TMEM165: variants seen among roughly 807,000 people sequenced by gnomAD.
TMEM165 encodes putative divalent cation/proton antiporter TMEM165.
Under a neutral mutation model 30.0 loss-of-function variants are expected in TMEM165, and 19 were observed. The ratio of observed to expected loss-of-function variants is 0.63; its 90% CI spans 0.44 to 0.93. The LOEUF is 0.93. Among genes scored for constraint, TMEM165 ranks in the 40% least tolerant of loss-of-function variants. The probability of loss-of-function intolerance (pLI) is 0.00; values close to 1 mark genes in which losing one functional copy is unlikely to be tolerated. For synonymous variants in TMEM165, 168 were observed against 162.9 expected (o/e 1.03, Z -0.24); for missense variants, 340 against 417.0 (o/e 0.82, Z 1.61).
chr4:55,438,323 A>G, intron 3 of TMEM165: 1 of 1,614,078 alleles, frequency 6.2e-7, no homozygotes, highest in Non-Finnish European at 8.5e-7. Flanking sequence ...TGAGCCTGAG[A>G]TGGTTGCTGA....
chr4:55,402,428 TATATA>T (rs1250545275), intron 1 of TMEM165, among the ~76,000 whole-genome samples: 10 of 36,814 alleles, frequency 2.7e-4, no homozygotes, highest in African/African-American at 9.9e-4. Flanking sequence ...TATATATATA[TATATA>T]TTTTTTTTTT....
chr4:55,426,944 C>G (rs189993425), downstream of TMEM165, among the ~76,000 whole-genome samples: 38 of 152,056 alleles, frequency 2.5e-4, no homozygotes, highest in African/African-American at 8.7e-4. Flanking sequence ...AAAACAATGT[C>G]TGTGGATTAA....
rs535392298 is a variant in TMEM165 at position 55,447,915 on chromosome 4, C to G, written c.409-4324C>G. Among the ~76,000 whole-genome samples, 10 of 152,232 alleles carry G rather than the reference C, an allele frequency of 6.6e-5. No homozygotes were observed. The South Asian group carries it at 1.9e-3, about 28-fold the overall frequency. ...CATAGTATTTTTAATGTGTTTGAGG[C>G]ACTGAATGAGTACAGAGTCATAAAT... On this transcript the variant is annotated intron_variant, in intron 3 of 3. Coordinates refer to the TMEM165 transcript ENST00000608091.
At chr4:55,421,555 C>T (rs1374096348) in intron 4 of TMEM165, among the ~76,000 whole-genome samples, 1 of 152,040 alleles carries the variant, frequency 6.6e-6, no homozygotes, top group Non-Finnish European at 1.5e-5. Flanking sequence ...ACCTTGGCCT[C>T]CCAAAGTGCT....
At chr4:55,424,922 T>C (rs1722128908) in intron 5 of TMEM165, 3 of 400,600 alleles carry the variant, frequency 7.5e-6, no homozygotes, top group Non-Finnish European at 9.0e-6. Context: ...GTATGAGAAG[T>C]TTTTGGCTCT....
rs1192675434 is a variant in TMEM165 at position 55,417,885 on chromosome 4, A to G, written c.692A>G (p.His231Arg). 1.2e-6 allele frequency: 2 copies of G among 1,614,104 alleles called. No homozygotes were observed. The highest frequency in any genetic ancestry group is 1.7e-6 in the Non-Finnish European group (2 of 1,180,006). Residue 231 changes from histidine to arginine, a missense_variant, in exon 4 of 6, where the codon CAT becomes CGT. His to Arg is a conservative substitution (Grantham distance 29, BLOSUM62 0). Coordinates refer to ENST00000381334, the MANE Select transcript of TMEM165 (RefSeq NM_018475.5). ...SITVPQKKWL[H>R]FISPIFVQAL... ...ACAGTACCTCAGAAAAAGTGGTTGCATTTTATTTCACCCATTTTTGTTCAA... is the reference window on the plus strand; with the variant it reads ...ACAGTACCTCAGAAAAAGTGGTTGCGTTTTATTTCACCCATTTTTGTTCAA...
At chr4:55,435,631 C>A (rs1462681116) in intron 3 of TMEM165, 18 of 1,602,694 alleles carry the variant, frequency 1.1e-5, no homozygotes, top group Non-Finnish European at 1.5e-5. Flanking sequence ...TTGCTTTACT[C>A]CCTTTATGGC....
chr4:55,452,926 TA>T, exon 4 of TMEM165: 1 of 699,084 alleles, frequency 1.4e-6, no homozygotes, highest in Non-Finnish European at 2.4e-6. Flanking sequence ...TAGTAAAGTA[TA>T]ATCACATCCC....
At chr4:55,404,983 C>G (rs1721212936) in intron 1 of TMEM165, among the ~76,000 whole-genome samples, 1 of 149,440 alleles carries the variant, frequency 6.7e-6, no homozygotes, top group South Asian at 2.1e-4. Context: ...TAGCGCACCC[C>G]AACCTGACGG....
chr4:55,425,859 C>A lies in TMEM165; in HGVS notation c.*407C>A, dbSNP rs1219376691. 6.5e-6 allele frequency: 1 copy of A among 153,800 alleles called. No homozygotes were observed. The highest frequency in any genetic ancestry group is 1.4e-5 in the Non-Finnish European group (1 of 69,244). The allele number at this position is 153,800 out of a possible 1,614,324, so 9.5% of individuals were successfully genotyped here. Reference sequence around the variant, plus strand: ...TCTTGGGGAAAGAATGAATTAATTTCTATTTCTTAAAACATTTCCCTGAGC... The same window carrying A: ...TCTTGGGGAAAGAATGAATTAATTTATATTTCTTAAAACATTTCCCTGAGC... On this transcript the variant is annotated 3_prime_UTR_variant, in exon 6 of 6. Coordinates refer to ENST00000381334, the MANE Select transcript of TMEM165 (RefSeq NM_018475.5).
exon 4 of TMEM165, chr4:55,453,114 C>T: frequency 6.2e-7 from 1 of 1,612,864 alleles, no homozygotes; most frequent in Non-Finnish European, 8.5e-7. Flanking sequence ...GTCTTTCAGC[C>T]CTAACTTCTG....
chr4:55,435,644 C>T (rs1722818751), intron 3 of TMEM165: 2 of 1,579,028 alleles, frequency 1.3e-6, no homozygotes, highest in East Asian at 4.5e-5. Flanking sequence ...TTTATGGCAC[C>T]CACATAATAG....
At chr4:55,423,385 T>A (rs924174895) in intron 4 of TMEM165, 8 of 152,406 alleles carry the variant, frequency 5.2e-5, no homozygotes, top group African/African-American at 1.9e-4. Flanking sequence ...TCGCAGTGGA[T>A]CACCCTTCCT....
At chr4:55,433,759 G>A (rs796842746) in intron 3 of TMEM165, 54 of 152,018 alleles carry the variant, frequency 3.6e-4, no homozygotes, top group African/African-American at 1.3e-3. Flanking sequence ...TATGTAACTT[G>A]TATTGGAATT....
chr4:55,442,939 A>C (rs1489579540), intron 3 of TMEM165, among the ~76,000 whole-genome samples: 3 of 152,052 alleles, frequency 2.0e-5, no homozygotes, highest in Admixed American at 2.0e-4. Context: ...ATTAGTGGGC[A>C]TTTTTCTATT....
chr4:55,433,251 AAATC>A, intron 3 of TMEM165: 1 of 152,756 alleles, frequency 6.5e-6, no homozygotes, highest in Middle Eastern at 3.4e-3. Flanking sequence ...GGAATGTGGG[AAATC>A]TCTACTGGAT....
downstream of TMEM165, chr4:55,428,947 A>T (rs557466539): frequency 1.3e-5 from 2 of 151,302 alleles, no homozygotes; most frequent in Non-Finnish European, 2.9e-5. Context: ...GTATGGTCTG[A>T]ATGGTAACTG....
chr4:55,396,259 C>T lies in TMEM165; in HGVS notation c.70C>T (p.Leu24=), dbSNP rs757007328. Reference sequence around the variant, plus strand: ...GCTGCTTCTGCTCTTTCTGGTTCCGCTGCTGTGGGCCCCGGCTGCGGTCCG... The same window carrying T: ...GCTGCTTCTGCTCTTTCTGGTTCCGTTGCTGTGGGCCCCGGCTGCGGTCCG... The part of the protein sequence containing the change: ...PRLLLLFLVP[L]LWAPAAVRAG... The change falls in exon 1 of 6, where the codon CTG becomes TTG. Residue 24 remains leucine, a synonymous_variant. Transcript: ENST00000381334. 1 of 1,516,822 alleles carries T rather than the reference C, an allele frequency of 6.6e-7. No homozygotes were observed. The highest frequency in any genetic ancestry group is 2.1e-5 in the Admixed American group (1 of 48,608). 94.0% of individuals were successfully genotyped at this position (1,516,822 alleles called of 1,614,324 possible). A position where few individuals can be genotyped will look rare whatever the true frequency, so the allele number is the denominator to read the frequency against.
intron 2 of TMEM165, among the ~76,000 whole-genome samples, chr4:55,415,072 T>C (rs1721667872): frequency 6.6e-6 from 1 of 152,238 alleles, no homozygotes; most frequent in Admixed American, 6.5e-5. Context: ...TCAAAATTTC[T>C]CCAAAGATTT....
Sources: allele counts gnomAD v4.1 joint callset (sites outside exome capture counted in the v4.1 genomes callset), GRCh38; gene constraint gnomAD v4.1.1; transcripts MANE v1.5; gene names NCBI Gene and HGNC (gene_info 2026-07-23, HGNC 2026-07-21).